The following PFKFB3 variants were observed in gnomAD, a reference collection of about 807,000 sequenced individuals.
PFKFB3 encodes the protein 6-phosphofructo-2-kinase/fructose-2,6-biphosphatase 3.
In PFKFB3, 33 loss-of-function variants were observed where a neutral mutation model predicts 68.0. The ratio of observed to expected loss-of-function variants is 0.49; its 90% CI spans 0.37 to 0.65. The LOEUF is 0.65. PFKFB3 is among the 30% of genes least tolerant of loss of function. The probability of loss-of-function intolerance (pLI) is 0.00; values close to 1 mark genes in which losing one functional copy is unlikely to be tolerated. For missense variants in PFKFB3, 586 were observed against 712.2 expected, an observed-to-expected ratio of 0.82 and a Z score of 2.02; for synonymous variants, 315 against 288.2, an observed-to-expected ratio of 1.09 and a Z score of -0.94.
intron 1 of PFKFB3, among the ~76,000 whole-genome samples, chr10:6,189,974 C>T (rs1208844750): frequency 2.0e-5 from 3 of 152,016 alleles, no homozygotes; most frequent in African/African-American, 7.2e-5. Context: ...GATGGAGTCT[C>T]GCTTTGTCAT....
Position 6,183,682 on chromosome 10 carries a change from AT to A in PFKFB3, c.17-29931del, listed in dbSNP as rs1216041355. Among the ~76,000 whole-genome samples, 234 of 145,842 alleles carry A rather than the reference AT, an allele frequency of 1.6e-3. 1 individual carries two copies. The highest frequency in any genetic ancestry group is 5.4e-3 in the African/African-American group (217 of 40,414). On this transcript the variant is annotated intron_variant, in intron 1 of 14. Coordinates refer to the PFKFB3 transcript ENST00000379789. ...TACATGTATAGTTTTGAAAGCAGGA[AT>A]TTTTTTTTTAATTTTTTTTTTTGAG... is the stretch of plus-strand genomic sequence containing the variant.
rs1245462258 is a variant in PFKFB3, at chr10:6,215,241, C to T, written c.223C>T (p.Arg75Cys). Residue 75 changes from arginine (R) to cysteine (C), a missense_variant, in exon 3 of 15, where the codon CGC (arginine) becomes TGC (cysteine). Transcript: ENST00000379775. The surrounding 1 kb of genome is among the most constrained non-coding windows in gnomAD (Gnocchi z 4.3). Reference sequence around the variant, plus strand: ...CACAGTGTTCAACGTCGGGGAGTATCGCCGGGAGGCTGTGAAGCAGTACAG... The same window carrying T: ...CACAGTGTTCAACGTCGGGGAGTATTGCCGGGAGGCTGTGAAGCAGTACAG... The part of the protein sequence containing the change: ...PTKVFNVGEY[R>C]REAVKQYSSY... 13 of 1,613,902 alleles carry T rather than the reference C, an allele frequency of 8.1e-6. No individual in the cohort carries two copies. The highest frequency in any genetic ancestry group is 3.3e-4 in the Middle Eastern group (2 of 6,062).
chr10:6,145,590 G>A (rs1353728453), intron 1 of PFKFB3, among the ~76,000 whole-genome samples: 2 of 152,308 alleles, frequency 1.3e-5, no homozygotes, highest in East Asian at 3.9e-4. Context: ...CGGCGCGGGA[G>A]GTGGGCAGCT....
At chr10:6,291,658 T>C in the PFKFB3 span, among the ~76,000 whole-genome samples, 3 of 152,214 alleles carry the variant, frequency 2.0e-5, no homozygotes, top group Non-Finnish European at 1.5e-5. Context: ...CCATTATGCA[T>C]TGACTAGAAA....
intron 14 of PFKFB3, among the ~76,000 whole-genome samples, chr10:6,252,201 C>G (rs1429434053): frequency 1.3e-5 from 2 of 152,162 alleles, no homozygotes; most frequent in Non-Finnish European, 2.9e-5. Context: ...AGCCTTTTGG[C>G]TTTTGTGACT....
intron 14 of PFKFB3, among the ~76,000 whole-genome samples, chr10:6,248,724 C>T (rs886203990): frequency 1.3e-5 from 2 of 149,476 alleles, no homozygotes; most frequent in African/African-American, 4.9e-5. Context: ...AAAATATGTT[C>T]AATATTACTA....
intron 1 of PFKFB3, among the ~76,000 whole-genome samples, chr10:6,195,191 C>T (rs1843144694): frequency 1.3e-5 from 2 of 152,060 alleles, no homozygotes; most frequent in African/African-American, 4.8e-5. Context: ...TTTTCATCCA[C>T]GCTTTGGAAG....
At chr10:6,284,772 T>C in the PFKFB3 span, among the ~76,000 whole-genome samples, 3 of 152,080 alleles carry the variant, frequency 2.0e-5, no homozygotes, top group East Asian at 5.8e-4. Context: ...TGGTAGCCTC[T>C]ATGTTACATT....
chr10:6,163,602 C>T (rs979488586), intron 1 of PFKFB3, among the ~76,000 whole-genome samples: 1 of 152,100 alleles, frequency 6.6e-6, no homozygotes, highest in African/African-American at 2.4e-5. Flanking sequence ...CATTGCACCC[C>T]GCGCCTGCTT....
At chr10:6,242,784 C>T (rs1329868943) in intron 14 of PFKFB3, among the ~76,000 whole-genome samples, 5 of 152,286 alleles carry the variant, frequency 3.3e-5, no homozygotes, top group East Asian at 1.9e-4. Flanking sequence ...GACAGGGTTT[C>T]GCCATATTGG....
Position 6,154,539 on chromosome 10 carries a change from C to T in PFKFB3, c.16+9526C>T, listed in dbSNP as rs980098589. The stretch of plus-strand genomic sequence containing the variant: ...CTGGGATCATAGGCGCGAGCCACCG[C>T]GCCTGGTGGGCTGAATTAACGTGAC... On this transcript the variant is annotated intron_variant, in intron 1 of 14. Transcript: ENST00000379789. The surrounding 1 kb of genome is among the most constrained non-coding windows in gnomAD (Gnocchi z 4.6). Among the ~76,000 whole-genome samples the T allele has an allele frequency of 2.6e-5, 4 of 152,152 alleles. No individual in the cohort carries two copies. The highest frequency in any genetic ancestry group is 2.1e-4 in the South Asian group (1 of 4,834).
At chr10:6,163,442 G>A (rs767768373) in intron 1 of PFKFB3, among the ~76,000 whole-genome samples, 1 of 152,158 alleles carries the variant, frequency 6.6e-6, no homozygotes, top group Non-Finnish European at 1.5e-5. Flanking sequence ...TACACCTGGA[G>A]CCTGGCGTCG....
intron 1 of PFKFB3, among the ~76,000 whole-genome samples, chr10:6,192,329 C>T (rs1003064838): frequency 4.0e-5 from 6 of 151,632 alleles, no homozygotes; most frequent in African/African-American, 9.7e-5. Context: ...CAGCTAGCAT[C>T]GCTGTCCAAA....
chr10:6,313,790 G>A, the PFKFB3 span, among the ~76,000 whole-genome samples: 1 of 152,220 alleles, frequency 6.6e-6, no homozygotes, highest in East Asian at 1.9e-4. This position sits in a 1 kb window ranked among gnomAD's most constrained non-coding sequence, Gnocchi z 4.2. Context: ...AATGAAAGAA[G>A]AATGATGTGG....
chr10:6,292,589 C>G, the PFKFB3 span, among the ~76,000 whole-genome samples: 5 of 150,522 alleles, frequency 3.3e-5, no homozygotes, highest in Non-Finnish European at 7.4e-5. Flanking sequence ...GTGCCTGGCC[C>G]GAAACCAGTG....
intron 14 of PFKFB3, among the ~76,000 whole-genome samples, chr10:6,250,383 G>A (rs922153197): frequency 1.3e-5 from 2 of 151,948 alleles, no homozygotes; most frequent in Non-Finnish European, 2.9e-5. Flanking sequence ...GGCTAACACG[G>A]TGAAACCCTC....
intron 13 of PFKFB3, chr10:6,225,199 C>A (rs557526455): frequency 2.0e-5 from 9 of 456,224 alleles, no homozygotes; most frequent in South Asian, 7.7e-5. Flanking sequence ...ACTAGTCAGA[C>A]CTTTCTCTTA....
intron 1 of PFKFB3, among the ~76,000 whole-genome samples, chr10:6,206,725 G>T (rs1333677707): frequency 1.3e-5 from 2 of 151,040 alleles, no homozygotes; most frequent in Admixed American, 6.6e-5. Flanking sequence ...GCCTAGATGG[G>T]ATGGCGGCCA....
chr10:6,203,762 TC>T (rs1163625890), intron 1 of PFKFB3, among the ~76,000 whole-genome samples: 2 of 152,128 alleles, frequency 1.3e-5, no homozygotes, highest in Non-Finnish European at 2.9e-5. Flanking sequence ...CCATCTCCTC[TC>T]CCGCCTTGCT....
Sources: gnomAD v4.1 joint callset for allele counts (sites outside exome capture counted in the v4.1 genomes callset) on GRCh38, gnomAD v4.1.1 for gene constraint, Gnocchi (gnomAD v3.1) non-coding constraint, MANE v1.5 for transcripts, NCBI Gene and HGNC (gene_info 2026-07-23, HGNC 2026-07-21) for gene names.